The following HK1 variants were observed in gnomAD, a reference collection of about 807,000 sequenced individuals.
HK1 encodes the protein hexokinase-1.
In HK1, 28 loss-of-function variants were observed where a neutral mutation model predicts 91.6. The ratio of observed to expected loss-of-function variants is 0.31; its 90% CI spans 0.23 to 0.42. HK1 has a LOEUF of 0.42. Among genes scored for constraint, HK1 ranks in the 10% least tolerant of loss-of-function variants. HK1 has a pLI of 1.00. For missense variants in HK1, 770 were observed against 1,219.8 expected, an observed-to-expected ratio of 0.63 and a Z score of 5.49; for synonymous variants, 430 against 468.1, an observed-to-expected ratio of 0.92 and a Z score of 1.05.
At chr10:69,385,011 C>T in intron 12 of HK1, 96 bp downstream of exon 12, 1 of 1,360,914 alleles carries the variant, frequency 7.3e-7, no homozygotes, top group Non-Finnish European at 1.1e-6. Context: ...GCCTCAGTGT[C>T]ATTCCTAGAT....
chr10:69,292,602 GGAA>G (rs774712162), intron 3 of HK1, among the ~76,000 whole-genome samples: 93 of 152,328 alleles, frequency 6.1e-4, no homozygotes, highest in Non-Finnish European at 9.4e-4. Context: ...ATAGTGGGGA[GGAA>G]GAAGAAGAGC....
At chr10:69,378,566 CAAAT>C (rs1460724965) in intron 8 of HK1, among the ~76,000 whole-genome samples, 5 of 152,154 alleles carry the variant, frequency 3.3e-5, no homozygotes, top group Non-Finnish European at 7.4e-5. Flanking sequence ...TATCTACAGA[CAAAT>C]GAATAGAATG....
chr10:69,352,905 T>TA (rs1848949932), intron 2 of HK1, among the ~76,000 whole-genome samples: 1 of 152,094 alleles, frequency 6.6e-6, no homozygotes, highest in African/African-American at 2.4e-5. Context: ...AAACTGTTAT[T>TA]AAAAAAACAA....
chr10:69,392,869 A>T (rs923259135), intron 15 of HK1, among the ~76,000 whole-genome samples: 3 of 152,318 alleles, frequency 2.0e-5, no homozygotes, highest in Middle Eastern at 3.4e-3. Flanking sequence ...GAAGGGCTGG[A>T]GCAGCACCCA....
chr10:69,389,140 C>T, intron 13 of HK1, 57 bp from the exon 14 acceptor site: 1 of 1,332,236 alleles, frequency 7.5e-7, no homozygotes, highest in Non-Finnish European at 1.1e-6. Context: ...GAACCGGCAG[C>T]ATTCAAGCCA....
At chr10:69,337,215 T>G (rs947454925) in intron 1 of HK1, among the ~76,000 whole-genome samples, 1 of 152,198 alleles carries the variant, frequency 6.6e-6, no homozygotes, top group Non-Finnish European at 1.5e-5. Flanking sequence ...TTCCACCATG[T>G]GAGGAAAATG....
chr10:69,385,852 C>A (rs1332561686), intron 12 of HK1, among the ~76,000 whole-genome samples: 1 of 152,194 alleles, frequency 6.6e-6, no homozygotes, highest in African/African-American at 2.4e-5. Context: ...TCAACACACA[C>A]CCAGTGTACT....
At chr10:69,276,111 AAAAAAAAATACAT>A (rs1564746746) in intron 1 of HK1, among the ~76,000 whole-genome samples, 2 of 68,466 alleles carry the variant, frequency 2.9e-5, no homozygotes, top group African/African-American at 1.2e-4. Context: ...AAAAAAAAAA[AAAAAAAAATACAT>A]ATATATATAT....
chr10:69,328,459 T>C lies in HK1; in HGVS notation c.63+9449T>C, dbSNP rs1847507249. On this transcript the variant is annotated intron_variant, in intron 1 of 17. Coordinates refer to ENST00000359426, the MANE Select transcript of HK1 (RefSeq NM_000188.3). ...CATATGAACCAAAGCCAACATTCAT[T>C]GTTGTATTCATTGCCATGTACTGTG... is the stretch of plus-strand genomic sequence containing the variant. Among the ~76,000 whole-genome samples, 3 of 152,186 alleles carry C rather than the reference T, an allele frequency of 2.0e-5. No individual in the cohort carries two copies. In the South Asian group the frequency reaches 6.2e-4, roughly 32 times the overall value.
intron 13 of HK1, among the ~76,000 whole-genome samples, chr10:69,388,319 A>C (rs1295862640): frequency 6.6e-6 from 1 of 152,154 alleles, no homozygotes; most frequent in Non-Finnish European, 1.5e-5. Context: ...AGTGGTGCAC[A>C]ACCTGTGGTC....
chr10:69,398,648 A>G lies in HK1; in HGVS notation c.2429A>G (p.Asn810Ser), dbSNP rs1301045389. The G allele has an allele frequency of 3.1e-6, 5 of 1,614,156 alleles. No homozygotes were observed. Among genetic ancestry groups the G allele is most frequent in the Non-Finnish European group, 4.2e-6 (5 of 1,180,012 alleles). Residue 810 changes from asparagine (N) to serine (S), a missense_variant, in exon 17 of 18, where the codon AAT becomes AGT. Asn to Ser is a conservative substitution (Grantham distance 46). This residue lies in a region of HK1 where 25 missense variants were observed against 74.1 expected (regional missense o/e 0.34). Transcript: ENST00000359426. ...VRAILQQLGL[N>S]STCDDSILVK... is the part of the protein sequence containing the mutation. ...GCTATCCTCCAGCAGCTAGGTCTGA[A>G]TAGCACCTGCGATGACAGTATCCTC... is the stretch of plus-strand genomic sequence containing the variant.
chr10:69,380,144 G>A lies in HK1; in HGVS notation c.1265+49G>A. 3 of 1,435,096 alleles carry A rather than the reference G, an allele frequency of 2.1e-6. No homozygotes were observed. The highest frequency in any genetic ancestry group is 2.9e-6 in the Non-Finnish European group (3 of 1,017,356). The allele number at this position is 1,435,096 out of a possible 1,614,324, so 88.9% of individuals were successfully genotyped here. ...TGGCACTCTGTACCCATTGTGGGTA[G>A]GGACCTTCTCCAGAGATCAGACTTT... On this transcript the variant is annotated intron_variant, in intron 9 of 17. Coordinates refer to ENST00000359426, the MANE Select transcript of HK1 (RefSeq NM_000188.3). This position sits in a 1 kb window ranked among gnomAD's most constrained non-coding sequence, Gnocchi z 4.0.
chr10:69,276,165 AAGTAATTC>A (rs1293940890), intron 1 of HK1, among the ~76,000 whole-genome samples: 90 of 138,634 alleles, frequency 6.5e-4, no homozygotes, highest in African/African-American at 2.3e-3. Context: ...TATATTAAAT[AAGTAATTC>A]TATATATTTA....
chr10:69,302,302 A>G lies in HK1; in HGVS notation c.27+1441A>G, dbSNP rs139972534. 3.4e-3 allele frequency among the ~76,000 whole-genome samples: 524 copies of G among 152,130 alleles called. 4 individuals carry two copies. The highest frequency in any genetic ancestry group is 0.012 in the African/African-American group (510 of 41,504). On this transcript the variant is annotated intron_variant, in intron 5 of 21. Transcript: ENST00000360289. ...ACAGTAATCAAGACAATGTGATACT[A>G]ACATTAGGATAATTATATAGCTGCA...
At chr10:69,346,048 G>C (rs1284125533) in intron 2 of HK1, among the ~76,000 whole-genome samples, 1 of 151,760 alleles carries the variant, frequency 6.6e-6, no homozygotes, top group East Asian at 1.9e-4. Context: ...TAAGGACTTG[G>C]ATACCCAACC....
intron 7 of HK1, among the ~76,000 whole-genome samples, chr10:69,373,975 T>C (rs1191396178): frequency 1.3e-5 from 2 of 152,136 alleles, no homozygotes. Context: ...TGTGATTCCT[T>C]ATCACATCCT....
chr10:69,328,656 C>T (rs1320913880), intron 1 of HK1, among the ~76,000 whole-genome samples: 1 of 152,142 alleles, frequency 6.6e-6, no homozygotes, highest in Non-Finnish European at 1.5e-5. Flanking sequence ...TTATAATTCA[C>T]CTACCATGAA....
chr10:69,274,485 C>G (rs578142539), intron 1 of HK1, among the ~76,000 whole-genome samples: 66 of 151,348 alleles, frequency 4.4e-4, no homozygotes, highest in Non-Finnish European at 8.4e-4. Context: ...GTAATCCCAG[C>G]TAATTGGGAG....
chr10:69,397,069 A>G (rs1366135370), intron 16 of HK1, among the ~76,000 whole-genome samples: 1 of 152,204 alleles, frequency 6.6e-6, no homozygotes, highest in Non-Finnish European at 1.5e-5. Context: ...ATCCATGGAC[A>G]CTTGGCTTGC....
Sources: allele counts gnomAD v4.1 joint callset (sites outside exome capture counted in the v4.1 genomes callset), GRCh38; gene constraint gnomAD v4.1.1; regional missense constraint gnomAD v4.1.1; non-coding constraint Gnocchi (gnomAD v3.1); transcripts MANE v1.5; gene names NCBI Gene and HGNC (gene_info 2026-07-23, HGNC 2026-07-21).